Variants in WDR27 observed in about 807,000 individuals in gnomAD.
WDR27 encodes the protein WD repeat-containing protein 27.
WDR27 carries 100 observed loss-of-function variants against 114.4 expected under a neutral mutation model. That is an observed-to-expected ratio of 0.87 (90% CI 0.74 to 1.03). The LOEUF is 1.03. WDR27 is among the 50% of genes least tolerant of loss of function. WDR27 has a pLI of 0.00. For missense variants in WDR27, 1,129 were observed against 1,092.9 expected, an observed-to-expected ratio of 1.03 and a Z score of -0.47; for synonymous variants, 449 against 423.1, an observed-to-expected ratio of 1.06 and a Z score of -0.75.
At chr6:169,655,778 G>A (rs1824009071) in intron 13 of WDR27, among the ~76,000 whole-genome samples, 3 of 152,156 alleles carry the variant, frequency 2.0e-5, no homozygotes, top group Admixed American at 6.5e-5. Flanking sequence ...AGAGTGCAAT[G>A]GCACGATCTC....
chr6:169,683,861 C>G (rs1782203821), intron 2 of WDR27, among the ~76,000 whole-genome samples: 1 of 152,218 alleles, frequency 6.6e-6, no homozygotes, highest in Non-Finnish European at 1.5e-5. Context: ...GCTGGAAATT[C>G]ATGCTGTTGC....
chr6:169,625,607 C>T (rs1377744960), intron 21 of WDR27, among the ~76,000 whole-genome samples: 7 of 152,230 alleles, frequency 4.6e-5, no homozygotes, highest in Non-Finnish European at 7.3e-5. Flanking sequence ...GAGTCAGCCC[C>T]GTTCACTGGG....
At chr6:169,621,379 GACATACGCAC>G (rs1408244767) in intron 21 of WDR27, among the ~76,000 whole-genome samples, 3 of 141,328 alleles carry the variant, frequency 2.1e-5, no homozygotes, top group Non-Finnish European at 4.6e-5. Context: ...CATGCATGTA[GACATACGCAC>G]ACACATGCAC....
At chr6:169,666,804 C>G (rs1479094826) in intron 6 of WDR27, 1 of 1,028,956 alleles carries the variant, frequency 9.7e-7, no homozygotes, top group Non-Finnish European at 1.2e-6. Flanking sequence ...ACCAACACCG[C>G]TGGTTCTGGG....
Position 169,477,382 on chromosome 6 carries a change from G to A in WDR27, c.2646-19748C>T, listed in dbSNP as rs146870301. ...TGTAATTCTTATATATCCCTCTGGC[G>A]GGAAGGTATAATTGCACAGCTGCTT... On this transcript the variant is annotated intron_variant, in intron 25 of 25. Coordinates refer to ENST00000448612, the MANE Select transcript of WDR27 (RefSeq NM_182552.5). Among the ~76,000 whole-genome samples, 318 of 152,282 alleles carry A rather than the reference G, an allele frequency of 2.1e-3. 2 individuals carry two copies. Among genetic ancestry groups the A allele is most frequent in the African/African-American group, 6.7e-3 (280 of 41,562 alleles).
chr6:169,498,880 T>C (rs1162686252), intron 25 of WDR27, among the ~76,000 whole-genome samples: 1 of 152,226 alleles, frequency 6.6e-6, no homozygotes, highest in East Asian at 1.9e-4. Context: ...GTGAGGATTG[T>C]CTGTATCTTG....
intron 25 of WDR27, among the ~76,000 whole-genome samples, chr6:169,509,607 T>C (rs1281002649): frequency 6.6e-6 from 1 of 151,672 alleles, no homozygotes; most frequent in African/African-American, 2.4e-5. Flanking sequence ...ATCCCTTCCT[T>C]ACACCTTATA....
intron 25 of WDR27, among the ~76,000 whole-genome samples, chr6:169,564,032 C>T (rs942229346): frequency 6.6e-6 from 1 of 152,170 alleles, no homozygotes; most frequent in Non-Finnish European, 1.5e-5. Context: ...GCTCTGTCTA[C>T]AAGCTGAGGA....
chr6:169,538,754 A>G (rs1354280803), intron 25 of WDR27, among the ~76,000 whole-genome samples: 1 of 151,710 alleles, frequency 6.6e-6, no homozygotes, highest in African/African-American at 2.4e-5. Context: ...TTATATATAT[A>G]TATGTGCATG....
At chr6:169,513,066 A>G (rs2115538766) in intron 25 of WDR27, among the ~76,000 whole-genome samples, 1 of 152,336 alleles carries the variant, frequency 6.6e-6, no homozygotes, top group South Asian at 2.1e-4. Context: ...TTAGTGGTTT[A>G]AAATAATAAC....
At chr6:169,532,287 C>T (rs769700076) in intron 25 of WDR27, among the ~76,000 whole-genome samples, 9 of 151,636 alleles carry the variant, frequency 5.9e-5, no homozygotes, top group South Asian at 2.1e-4. Context: ...AGAATGAGTA[C>T]AAGATGAGAC....
chr6:169,610,006 A>G (rs1810131916), intron 22 of WDR27, among the ~76,000 whole-genome samples: 1 of 152,232 alleles, frequency 6.6e-6, no homozygotes, highest in Admixed American at 6.5e-5. Flanking sequence ...TTGCTAAAAC[A>G]TAACAAAAGT....
chr6:169,546,559 C>T (rs1295129101), intron 25 of WDR27, among the ~76,000 whole-genome samples: 2 of 152,140 alleles, frequency 1.3e-5, no homozygotes, highest in Non-Finnish European at 2.9e-5. Flanking sequence ...ACCACTGAAG[C>T]CACCCTCTTC....
At chr6:169,510,067 G>A (rs1397288319) in intron 25 of WDR27, among the ~76,000 whole-genome samples, 6 of 152,054 alleles carry the variant, frequency 3.9e-5, no homozygotes, top group Admixed American at 1.3e-4. Flanking sequence ...AATGCAAATC[G>A]AAACCACAAT....
chr6:169,650,747 TCCATCCCCA>T (rs1421735884), intron 14 of WDR27, among the ~76,000 whole-genome samples: 2 of 146,538 alleles, frequency 1.4e-5, no homozygotes, highest in Non-Finnish European at 3.0e-5. Context: ...CCTCCATCCC[TCCATCCCCA>T]CCATCTATCC....
At chr6:169,616,635 C>T (rs1811888936) in intron 21 of WDR27, among the ~76,000 whole-genome samples, 1 of 152,070 alleles carries the variant, frequency 6.6e-6, no homozygotes, top group South Asian at 2.1e-4. Flanking sequence ...AAGGGTGAGT[C>T]AATGAATATC....
intron 1 of WDR27, among the ~76,000 whole-genome samples, chr6:169,695,114 G>A (rs1001348144): frequency 4.6e-5 from 7 of 152,094 alleles, no homozygotes; most frequent in Non-Finnish European, 5.9e-5. Context: ...ATATCAAGAA[G>A]GGTAAACAAA....
At chr6:169,434,361 TG>T in the WDR27 span, among the ~76,000 whole-genome samples, 2 of 152,204 alleles carry the variant, frequency 1.3e-5, no homozygotes, top group Non-Finnish European at 2.9e-5. Flanking sequence ...CCATCGCTTT[TG>T]TCAGGTTTGT....
the WDR27 span, among the ~76,000 whole-genome samples, chr6:169,449,609 C>G: frequency 6.6e-6 from 1 of 152,178 alleles, no homozygotes; most frequent in Non-Finnish European, 1.5e-5. Context: ...CCCAGCCCCA[C>G]CATCTCTTGC....
Sources: allele counts gnomAD v4.1 joint callset (sites outside exome capture counted in the v4.1 genomes callset), GRCh38; gene constraint gnomAD v4.1.1; transcripts MANE v1.5; gene names NCBI Gene and HGNC (gene_info 2026-07-23, HGNC 2026-07-21).